The following GRB2 variants were observed in gnomAD, a reference collection of about 807,000 sequenced individuals.
The protein encoded by GRB2 is growth factor receptor-bound protein 2.
Under a neutral mutation model 27.4 loss-of-function variants are expected in GRB2, and 2 were observed. The ratio of observed to expected loss-of-function variants is 0.07; its 90% CI spans 0.03 to 0.23. The LOEUF is 0.23. GRB2 is among the 10% of genes least tolerant of loss of function. The pLI is 1.00. For synonymous variants in GRB2, 94 were observed against 99.6 expected, an observed-to-expected ratio of 0.94 and a Z score of 0.33; for missense variants, 102 against 282.4, an observed-to-expected ratio of 0.36 and a Z score of 4.58.
chr17:75,355,897 C>G (rs1174620294), intron 2 of GRB2, among the ~76,000 whole-genome samples: 3 of 143,192 alleles, frequency 2.1e-5, no homozygotes, highest in African/African-American at 7.9e-5. Flanking sequence ...GTGGCGTGAT[C>G]TCGGCTTACT....
chr17:75,323,418 G>C (rs2078474154), intron 4 of GRB2, among the ~76,000 whole-genome samples: 1 of 152,144 alleles, frequency 6.6e-6, no homozygotes, highest in African/African-American at 2.4e-5. Context: ...TGCAATGCAG[G>C]TGGTTTCTAA....
chr17:75,371,389 C>T (rs755536239), intron 2 of GRB2: 1 of 152,032 alleles, frequency 6.6e-6, no homozygotes, highest in Non-Finnish European at 1.5e-5. Flanking sequence ...TGAACTCAGG[C>T]AGGACAACAT....
chr17:75,389,111 G>A (rs1445543301), intron 2 of GRB2, among the ~76,000 whole-genome samples: 3 of 152,006 alleles, frequency 2.0e-5, no homozygotes, highest in South Asian at 2.1e-4. Context: ...GCTCTTCATC[G>A]CTAAAAACCT....
At chr17:75,328,895 G>A (rs1010034701) in intron 3 of GRB2, among the ~76,000 whole-genome samples, 7 of 152,046 alleles carry the variant, frequency 4.6e-5, no homozygotes, top group African/African-American at 1.7e-4. Flanking sequence ...CCGAGATCGC[G>A]CCACTGCACT....
At chr17:75,325,767 A>T in intron 4 of GRB2, 131 bp downstream of exon 4, 2 of 942,592 alleles carry the variant, frequency 2.1e-6, no homozygotes, top group Non-Finnish European at 3.3e-6. Flanking sequence ...TTAGGATTTT[A>T]ATGTGAAATG....
At chr17:75,333,668 G>T (rs1171875541) in intron 2 of GRB2, among the ~76,000 whole-genome samples, 3 of 152,128 alleles carry the variant, frequency 2.0e-5, no homozygotes, top group Non-Finnish European at 4.4e-5. Flanking sequence ...ACTGCTGCTT[G>T]TGAGGACAAC....
chr17:75,364,172 G>A (rs564560852), intron 2 of GRB2, among the ~76,000 whole-genome samples: 81 of 152,138 alleles, frequency 5.3e-4, no homozygotes, highest in African/African-American at 1.8e-3. Context: ...TTAATAGTAC[G>A]CATAGCCACC....
At chr17:75,369,786 A>G (rs1293370869) in intron 2 of GRB2, among the ~76,000 whole-genome samples, 1 of 151,570 alleles carries the variant, frequency 6.6e-6, no homozygotes, top group East Asian at 1.9e-4. Context: ...CTTGAACCAG[A>G]GAGGCAGAGG....
chr17:75,334,880 G>T (rs1407440082), intron 2 of GRB2, among the ~76,000 whole-genome samples: 1 of 148,180 alleles, frequency 6.7e-6, no homozygotes, highest in East Asian at 1.9e-4. Context: ...TTGAGTCAGG[G>T]TCTTGCTCTG....
At chr17:75,383,625 C>T (rs550565773) in intron 2 of GRB2, among the ~76,000 whole-genome samples, 10 of 152,254 alleles carry the variant, frequency 6.6e-5, no homozygotes, top group African/African-American at 2.4e-4. Context: ...AGGCGGATCA[C>T]AAGGTCAGGA....
At position 75,321,374 on chromosome 17, in the gene GRB2, A is replaced by G. The variant is rs545225755; in HGVS notation, c.468+285T>C. 3.3e-5 allele frequency among the ~76,000 whole-genome samples: 5 copies of G among 151,968 alleles called. No individual in the cohort carries two copies. The South Asian group carries it at 1.0e-3, about 32-fold the overall frequency. ...GTATTTTTAGTAGCGACAGGGTTTC[A>G]CCATGTTGGCCAGGCTAGTCTCAAA... On this transcript the variant is annotated intron_variant, in intron 5 of 5. Coordinates refer to ENST00000316804, the MANE Select transcript of GRB2 (RefSeq NM_002086.5).
intron 1 of GRB2, among the ~76,000 whole-genome samples, chr17:75,403,006 T>C (rs954186130): frequency 6.4e-5 from 8 of 125,064 alleles, no homozygotes; most frequent in Non-Finnish European, 1.1e-4. Flanking sequence ...ACCCAGGAGG[T>C]GGAAGTTGTG....
intron 3 of GRB2, 33 bp downstream of exon 3, chr17:75,332,667 C>A (rs1424000640): frequency 7.0e-6 from 9 of 1,280,394 alleles, no homozygotes; most frequent in Non-Finnish European, 1.0e-5. Flanking sequence ...GAGGTGGGTC[C>A]AACCCTTCCA....
intron 1 of GRB2, chr17:75,395,033 A>T (rs114677635): frequency 6.3e-4 from 96 of 152,328 alleles, no homozygotes; most frequent in African/African-American, 2.2e-3. Context: ...GGGACAGATT[A>T]TTTATAGTGA....
At chr17:75,321,133 T>C (rs993070736) in intron 5 of GRB2, among the ~76,000 whole-genome samples, 3 of 149,930 alleles carry the variant, frequency 2.0e-5, no homozygotes, top group African/African-American at 7.5e-5. Context: ...ACACTGCCTC[T>C]GGAAAAGCAA....
chr17:75,398,643 T>A (rs1312395455), intron 1 of GRB2, among the ~76,000 whole-genome samples: 1 of 152,200 alleles, frequency 6.6e-6, no homozygotes, highest in Admixed American at 6.5e-5. Flanking sequence ...GGTGTTACAT[T>A]ATAATAATAA....
At chr17:75,322,962 A>G (rs1311025103) in intron 4 of GRB2, among the ~76,000 whole-genome samples, 1 of 152,004 alleles carries the variant, frequency 6.6e-6, no homozygotes, top group Non-Finnish European at 1.5e-5. Flanking sequence ...TACTAAAAAT[A>G]CAAAAAATTA....
intron 2 of GRB2, among the ~76,000 whole-genome samples, chr17:75,345,708 C>T (rs1049646357): frequency 2.6e-5 from 4 of 152,012 alleles, no homozygotes; most frequent in Non-Finnish European, 5.9e-5. Flanking sequence ...CCCACCCCCA[C>T]CCCCACCCCC....
intron 1 of GRB2, chr17:75,405,181 C>T (rs1218542691): frequency 6.6e-6 from 1 of 152,356 alleles, no homozygotes; most frequent in Non-Finnish European, 1.5e-5. Context: ...GTTCGGCCCG[C>T]CTGGGCTTCC....
Sources: allele counts gnomAD v4.1 joint callset (sites outside exome capture counted in the v4.1 genomes callset), GRCh38; gene constraint gnomAD v4.1.1; transcripts MANE v1.5; gene names NCBI Gene and HGNC (gene_info 2026-07-23, HGNC 2026-07-21).